Variants in NMBR observed in about 807,000 individuals in gnomAD.
NMBR encodes neuromedin-B receptor.
Under a neutral mutation model 20.5 loss-of-function variants are expected in NMBR, and 16 were observed. That is an observed-to-expected ratio of 0.78 (90% CI 0.53 to 1.19). The LOEUF is 1.19. Ranked by LOEUF, NMBR falls within the 50% of genes most tolerant of loss-of-function variation. The pLI is 0.00. For missense variants in NMBR, 582 were observed against 499.1 expected (o/e 1.17, Z -1.58); for synonymous variants, 212 against 196.6 (o/e 1.08, Z -0.65).
intron 1 of NMBR, among the ~76,000 whole-genome samples, chr6:142,130,175 T>C (rs1778114396): frequency 6.6e-6 from 1 of 152,062 alleles, no homozygotes; most frequent in South Asian, 2.1e-4. Context: ...GAAAATAAGG[T>C]CAAAGTTTAT....
intron 1 of NMBR, among the ~76,000 whole-genome samples, chr6:142,135,429 G>A (rs1460805847): frequency 6.6e-6 from 1 of 151,970 alleles, no homozygotes; most frequent in African/African-American, 2.4e-5. Flanking sequence ...TACATAGTTT[G>A]ACCATTAACT....
intron 1 of NMBR, among the ~76,000 whole-genome samples, chr6:142,094,209 A>G (rs575184204): frequency 7.8e-4 from 119 of 151,958 alleles, no homozygotes; most frequent in African/African-American, 2.8e-3. Flanking sequence ...GGTGTTTTAG[A>G]CATGAAGTCC....
At chr6:142,093,327 G>A (rs1285174567) in intron 1 of NMBR, among the ~76,000 whole-genome samples, 3 of 110,798 alleles carry the variant, frequency 2.7e-5, no homozygotes, top group African/African-American at 1.1e-4. Context: ...AACAGTCCCT[G>A]GTGTGTGATG....
intron 1 of NMBR, among the ~76,000 whole-genome samples, chr6:142,131,769 C>A (rs566119016): frequency 2.8e-4 from 43 of 152,126 alleles, no homozygotes; most frequent in African/African-American, 9.2e-4. Flanking sequence ...GCACTCCCTT[C>A]TTCTACACAT....
intron 1 of NMBR, among the ~76,000 whole-genome samples, chr6:142,094,084 A>C (rs1474470490): frequency 1.3e-5 from 2 of 151,928 alleles, no homozygotes; most frequent in Non-Finnish European, 2.9e-5. Context: ...CAAAAATTTT[A>C]TCCCATTCTG....
intron 2 of NMBR, among the ~76,000 whole-genome samples, chr6:142,081,873 T>C (rs748353229): frequency 6.6e-6 from 1 of 152,146 alleles, no homozygotes; most frequent in Non-Finnish European, 1.5e-5. Flanking sequence ...AACTGAAAAC[T>C]AAATACTAGA....
chr6:142,139,259 T>C (rs1778322943), intron 1 of NMBR, among the ~76,000 whole-genome samples: 1 of 152,214 alleles, frequency 6.6e-6, no homozygotes, highest in African/African-American at 2.4e-5. Context: ...TGCCCAATCA[T>C]AGATAAACGC....
At position 142,103,013 on chromosome 6, in the gene NMBR, T is replaced by A. The variant is rs553585960; in HGVS notation, c.-663-13692A>T. On this transcript the variant is annotated intron_variant, in intron 1 of 3. Transcript: ENST00000258042. ...TGCTTCTGGGGAGGAACTTCCTTGG[T>A]TAGCTTTACCTTAAGGTTGTAAATG... 9.8e-5 allele frequency among the ~76,000 whole-genome samples: 15 copies of A among 152,302 alleles called. No individual in the cohort carries two copies. In the South Asian group the frequency reaches 2.9e-3, roughly 29 times the overall value.
chr6:142,129,905 T>G (rs1778109120), intron 1 of NMBR, among the ~76,000 whole-genome samples: 1 of 152,184 alleles, frequency 6.6e-6, no homozygotes, highest in South Asian at 2.1e-4. Context: ...AATAATCTGC[T>G]TGAGACCTCA....
Position 142,088,749 on chromosome 6 carries a change from C to T in NMBR, c.-91G>A. On this transcript the variant is annotated 5_prime_UTR_variant, in exon 2 of 4. Transcript: ENST00000258042. ...CACGATTTAGGTTTAATCGATGTCC[C>T]TCCCTCTCGCCCCTGCAAGTTTACT... 8.6e-7 allele frequency: 1 copy of T among 1,161,238 alleles called. No homozygotes were observed. The highest frequency in any genetic ancestry group is 2.5e-5 in the East Asian group (1 of 39,466). 71.9% of individuals were successfully genotyped at this position (1,161,238 alleles called of 1,614,324 possible). A position where few individuals can be genotyped will look rare whatever the true frequency, so the allele number is the denominator to read the frequency against.
At chr6:142,127,569 T>A (rs1406862360) in intron 1 of NMBR, among the ~76,000 whole-genome samples, 3 of 152,024 alleles carry the variant, frequency 2.0e-5, no homozygotes, top group African/African-American at 4.8e-5. Flanking sequence ...AATCTGTAGA[T>A]CACTTTGGAT....
At chr6:142,130,958 AT>A (rs1016293040) in intron 1 of NMBR, among the ~76,000 whole-genome samples, 1 of 151,986 alleles carries the variant, frequency 6.6e-6, no homozygotes, top group Admixed American at 6.6e-5. Context: ...AACAGGCAAT[AT>A]TTTTCCTAGC....
chr6:142,086,217 T>C (rs1777196556), intron 2 of NMBR, among the ~76,000 whole-genome samples: 1 of 152,190 alleles, frequency 6.6e-6, no homozygotes, highest in South Asian at 2.1e-4. Flanking sequence ...CATAAAAATG[T>C]TGCTGAATTT....
chr6:142,123,896 AT>A (rs1047311547), intron 1 of NMBR, among the ~76,000 whole-genome samples: 3 of 151,908 alleles, frequency 2.0e-5, no homozygotes, highest in African/African-American at 7.2e-5. Context: ...CACATCGGAT[AT>A]TTTTTTAAAA....
chr6:142,144,625 T>A (rs550932104), intron 1 of NMBR, among the ~76,000 whole-genome samples: 100 of 152,176 alleles, frequency 6.6e-4, no homozygotes, highest in Non-Finnish European at 9.7e-4. Context: ...TAAAATATCA[T>A]AGTAAAACAA....
At position 142,081,626 on chromosome 6, in the gene NMBR, C is replaced by A. The variant is rs188158392; in HGVS notation, c.423-2723G>T. ...GTGCTGAGACATAGCTTACAATTGT[C>A]GAAGAAAAATGTTGTATACCAACTG... On this transcript the variant is annotated intron_variant, in intron 2 of 3. Coordinates refer to ENST00000258042, the MANE Select transcript of NMBR (RefSeq NM_002511.4). 5.9e-3 allele frequency among the ~76,000 whole-genome samples: 889 copies of A among 151,926 alleles called. 10 individuals carry two copies. Among genetic ancestry groups the A allele is most frequent in the Middle Eastern group, 0.031 (9 of 294 alleles).
At chr6:142,116,475 A>C (rs114101546) in intron 1 of NMBR, among the ~76,000 whole-genome samples, 3,595 of 152,118 alleles carry the variant, frequency 0.024, 146 homozygotes, top group African/African-American at 0.081. Flanking sequence ...TACTAGGACC[A>C]TACATCCACT....
rs557942413 is a variant in NMBR at position 142,108,537 on chromosome 6, A to G, written c.-663-19216T>C. 2.0e-5 allele frequency among the ~76,000 whole-genome samples: 3 copies of G among 152,294 alleles called. No homozygotes were observed. In the East Asian group the frequency reaches 5.8e-4, roughly 29 times the overall value. ...AACACATCCTTCTTCACCTAACTGCAGAAGAGAGAAGTGCCGAGCAAAGGA... is the reference window on the plus strand; with the variant it reads ...AACACATCCTTCTTCACCTAACTGCGGAAGAGAGAAGTGCCGAGCAAAGGA... On this transcript the variant is annotated intron_variant, in intron 1 of 3. Coordinates refer to ENST00000258042, the MANE Select transcript of NMBR (RefSeq NM_002511.4).
rs375860427 is a variant in NMBR, at chr6:142,098,671, T to C, written c.-663-9350A>G. Among the ~76,000 whole-genome samples the C allele has an allele frequency of 7.8e-4, 118 of 152,226 alleles. 2 individuals are homozygous for C. The South Asian group carries it at 0.022, about 29-fold the overall frequency. ...ACAAAACTGAAGAAAATTGGAGAAC[T>C]AAATAAATAAAAAGATATTCCATAT... On this transcript the variant is annotated intron_variant, in intron 1 of 3. Transcript: ENST00000258042.
Sources: allele counts gnomAD v4.1 joint callset (sites outside exome capture counted in the v4.1 genomes callset), GRCh38; gene constraint gnomAD v4.1.1; transcripts MANE v1.5; gene names NCBI Gene and HGNC (gene_info 2026-07-23, HGNC 2026-07-21).